The following EXOSC9 variants were observed in gnomAD, a reference collection of about 807,000 sequenced individuals.
EXOSC9 encodes exosome complex component RRP45.
EXOSC9 carries 38 observed loss-of-function variants against 56.5 expected under a neutral mutation model. The ratio of observed to expected loss-of-function variants is 0.67; its 90% CI spans 0.52 to 0.88. The LOEUF (loss-of-function observed/expected upper bound fraction) is 0.88, where lower values mean the gene tolerates loss of function less well. Ranked by LOEUF, EXOSC9 falls within the 40% of genes least tolerant of loss-of-function variation. The pLI, the probability that EXOSC9 is intolerant of heterozygous loss-of-function variation, is 0.00. For missense variants in EXOSC9, 559 were observed against 530.5 expected, an observed-to-expected ratio of 1.05 and a Z score of -0.53; for synonymous variants, 170 against 170.8, an observed-to-expected ratio of 0.99 and a Z score of 0.04.
At chr4:121,811,540 T>G in intron 7 of EXOSC9, 43 bp from the exon 8 acceptor site, 8 of 1,139,440 alleles carry the variant, frequency 7.0e-6, no homozygotes, top group African/African-American at 1.6e-5. Flanking sequence ...GAAAACTATT[T>G]GGTTTATTGT....
At chr4:121,811,101 T>C (rs1362932102) in intron 7 of EXOSC9, among the ~76,000 whole-genome samples, 1 of 152,348 alleles carries the variant, frequency 6.6e-6, no homozygotes, top group East Asian at 1.9e-4. Context: ...AATGATTTTA[T>C]ATCTTTGGGT....
intron 10 of EXOSC9, chr4:121,815,464 C>CTT: frequency 1.0e-6 from 1 of 985,212 alleles, no homozygotes; most frequent in South Asian, 4.7e-5. Context: ...AAGGGAGAAA[C>CTT]TAATTGAAAA....
intron 3 of EXOSC9, 23 bp downstream of exon 3, chr4:121,802,816 T>C (rs2149033921): frequency 1.2e-6 from 2 of 1,613,256 alleles, no homozygotes; most frequent in Non-Finnish European, 1.7e-6. Flanking sequence ...TTTTCTTAAG[T>C]TGCTTTAGTC....
In EXOSC9 at chr4:121,801,362, G is replaced by C; in HGVS notation, c.-63G>C. On this transcript the variant is annotated 5_prime_UTR_variant, in exon 1 of 12. Coordinates refer to ENST00000243498, the MANE Select transcript of EXOSC9 (RefSeq NM_005033.3). Reference sequence around the variant, plus strand: ...CCTCGGGGCGAGCAGCGGCGCGCAAGGAAAGATCGGGTTCCGTTTTTCCCG... The same window carrying C: ...CCTCGGGGCGAGCAGCGGCGCGCAACGAAAGATCGGGTTCCGTTTTTCCCG... The C allele has an allele frequency of 6.7e-7, 1 of 1,496,684 alleles. No individual in the cohort carries two copies. Among genetic ancestry groups the C allele is most frequent in the Non-Finnish European group, 9.3e-7 (1 of 1,073,058 alleles). The allele number at this position is 1,496,684 out of a possible 1,614,324, so 92.7% of individuals were successfully genotyped here. A position where few individuals can be genotyped will look rare whatever the true frequency, so the allele number is the denominator to read the frequency against.
chr4:121,806,691 C>T (rs753571095), intron 5 of EXOSC9, among the ~76,000 whole-genome samples: 25 of 151,932 alleles, frequency 1.6e-4, no homozygotes, highest in Non-Finnish European at 2.9e-4. Context: ...AAGAACTGAA[C>T]TACTGATAAA....
intron 1 of EXOSC9, 24 bp downstream of exon 1, chr4:121,801,514 TGC>T: frequency 6.2e-7 from 1 of 1,612,548 alleles, no homozygotes; most frequent in Non-Finnish European, 8.5e-7. Context: ...CCCGCAGAAT[TGC>T]GCGCTGCGTG....
In EXOSC9 at chr4:121,801,467, C is replaced by T. The variant is rs1578494974; in HGVS notation, c.43C>T (p.Leu15Phe). 6.2e-7 allele frequency: 1 copy of T among 1,614,226 alleles called. No individual in the cohort carries two copies. Among genetic ancestry groups the T allele is most frequent in the East Asian group, 2.2e-5 (1 of 44,880 alleles). ...PLSNCERRFL[L>F]RAIEEKKRLD... ...CTCAAACTGCGAACGCCGCTTCCTA[C>T]TCCGTGCCATCGAAGAGAAGAAGGT... Residue 15 changes from leucine to phenylalanine, a missense_variant, in exon 1 of 12, where the codon CTC (leucine) becomes TTC (phenylalanine). Transcript: ENST00000243498.
intron 4 of EXOSC9, chr4:121,804,415 A>G (rs1475791041): frequency 2.4e-6 from 1 of 413,938 alleles, no homozygotes; most frequent in African/African-American, 2.0e-5. Flanking sequence ...TATTTAAAGT[A>G]TGTGTTCTGT....
chr4:121,814,136 ATATT>A (rs1724383959), intron 10 of EXOSC9, 89 bp downstream of exon 10: 4 of 781,692 alleles, frequency 5.1e-6, no homozygotes, highest in Non-Finnish European at 6.1e-6. Context: ...AAATGTGTGT[ATATT>A]TATATTATCA....
At chr4:121,807,090 C>T (rs371546130) in intron 5 of EXOSC9, among the ~76,000 whole-genome samples, 1 of 151,904 alleles carries the variant, frequency 6.6e-6, no homozygotes. Context: ...GTTGGGAGTT[C>T]GAGACCAGCC....
chr4:121,811,777 A>G (rs1727220080), intron 8 of EXOSC9, 106 bp downstream of exon 8: 1 of 505,252 alleles, frequency 2.0e-6, no homozygotes, highest in Non-Finnish European at 3.5e-6. Context: ...TTGATTTCAC[A>G]TACAAAGTTA....
chr4:121,816,871 T>TATC lies in EXOSC9; in HGVS notation c.*16_*18dup, dbSNP rs773876155. ...CTGCCAATTAAAGCTAACAGTTGTA[T>TATC]ATCTGTATATATAACTATTAAAAGG... On this transcript the variant is annotated 3_prime_UTR_variant, in exon 12 of 12. Transcript: ENST00000243498. 5.8e-6 allele frequency: 9 copies of TATC among 1,544,036 alleles called. No homozygotes were observed. The highest frequency in any genetic ancestry group is 5.6e-5 in the African/African-American group (4 of 71,456).
Position 121,802,999 on chromosome 4 carries a change from T to C in EXOSC9, c.366T>C (p.Cys122=), listed in dbSNP as rs1726915304. ...AGTGTATAGACACTGAGTCTCTCTG[T>C]GTTGTTGCTGGTGAAAAGGTGGGGA... is the stretch of plus-strand genomic sequence containing the variant. ...NSKCIDTESL[C]VVAGEKVWQI... Residue 122 remains cysteine (C), a synonymous_variant, in exon 4 of 12, where the codon TGT becomes TGC. Coordinates refer to ENST00000243498, the MANE Select transcript of EXOSC9 (RefSeq NM_005033.3). 6.2e-7 allele frequency: 1 copy of C among 1,612,912 alleles called. No homozygotes were observed. Among genetic ancestry groups the C allele is most frequent in the East Asian group, 2.2e-5 (1 of 44,868 alleles).
chr4:121,813,739 G>GT (rs1178176129), intron 9 of EXOSC9, 127 bp from the exon 10 acceptor site: 32 of 672,706 alleles, frequency 4.8e-5, no homozygotes, highest in East Asian at 3.0e-4. Context: ...GCTATATTAA[G>GT]TTTTTTTTCC....
At chr4:121,814,287 A>C (rs925438241) in intron 10 of EXOSC9, 1 of 244,972 alleles carries the variant, frequency 4.1e-6, no homozygotes, top group Non-Finnish European at 7.8e-6. Context: ...AGAGGGGCTA[A>C]ATATTGTGAT....
rs527669677 is a variant in EXOSC9, at chr4:121,808,386, G to A, written c.605+764G>A. 9.2e-5 allele frequency among the ~76,000 whole-genome samples: 14 copies of A among 152,144 alleles called. No homozygotes were observed. In the South Asian group the frequency reaches 2.1e-3, roughly 23 times the overall value. ...ATTTTCTTCTTTTTTTTGAGATGAGGTCTGGCTTTGTTGCCCAATTTGGAT... is the reference window on the plus strand; with the variant it reads ...ATTTTCTTCTTTTTTTTGAGATGAGATCTGGCTTTGTTGCCCAATTTGGAT... On this transcript the variant is annotated intron_variant, in intron 6 of 11. Transcript: ENST00000243498.
chr4:121,806,518 T>C (rs1421081365), intron 5 of EXOSC9, among the ~76,000 whole-genome samples: 1 of 152,054 alleles, frequency 6.6e-6, no homozygotes, highest in Admixed American at 6.5e-5. Flanking sequence ...ATTCCATGCC[T>C]AAGAATCTAC....
At chr4:121,813,772 G>C in intron 9 of EXOSC9, 94 bp from the exon 10 acceptor site, 1 of 910,818 alleles carries the variant, frequency 1.1e-6, no homozygotes, top group Middle Eastern at 2.7e-4. Context: ...GGGCACACTT[G>C]AATCAATCTT....
chr4:121,804,175 ACT>A (rs1491432955), intron 4 of EXOSC9, among the ~76,000 whole-genome samples: 3 of 140,086 alleles, frequency 2.1e-5, no homozygotes, highest in African/African-American at 8.0e-5. Flanking sequence ...TAACTAAAAA[ACT>A]TTTTTTTTTT....
Sources: allele counts gnomAD v4.1 joint callset (sites outside exome capture counted in the v4.1 genomes callset), GRCh38; gene constraint gnomAD v4.1.1; transcripts MANE v1.5; gene names NCBI Gene and HGNC (gene_info 2026-07-23, HGNC 2026-07-21).